Variants in ZNF362 observed in about 807,000 individuals in gnomAD.
ZNF362 encodes the protein rotund homolog.
In ZNF362, 11 loss-of-function variants were observed where a neutral mutation model predicts 42.9. That is an observed-to-expected ratio of 0.26 (90% CI 0.16 to 0.42). ZNF362 has a LOEUF of 0.42. ZNF362 is among the 20% of genes least tolerant of loss of function. ZNF362 has a pLI of 1.00. For missense variants in ZNF362, 362 were observed against 576.2 expected (o/e 0.63, Z 3.81); for synonymous variants, 255 against 257.3 (o/e 0.99, Z 0.09).
chr1:33,195,487 GATAC>G, the ZNF362 span: 2 of 152,202 alleles, frequency 1.3e-5, no homozygotes, highest in African/African-American at 4.8e-5. Flanking sequence ...CATCATAGAG[GATAC>G]TTACACAAAC....
intron 2 of ZNF362, among the ~76,000 whole-genome samples, chr1:33,274,279 A>G (rs1323748054): frequency 6.6e-6 from 1 of 152,230 alleles, no homozygotes; most frequent in East Asian, 1.9e-4. Flanking sequence ...TGTGACCTTG[A>G]ACAAGTCACT....
chr1:33,273,689 A>G (rs1188520877), intron 2 of ZNF362, among the ~76,000 whole-genome samples: 1 of 152,144 alleles, frequency 6.6e-6, no homozygotes. Flanking sequence ...TTTCTCATGC[A>G]TGTGGCCTGA....
the ZNF362 span, among the ~76,000 whole-genome samples, chr1:33,229,056 T>A: frequency 6.6e-6 from 1 of 152,118 alleles, no homozygotes; most frequent in East Asian, 1.9e-4. Flanking sequence ...GTAGGGCTTG[T>A]TCTCACATTT....
the ZNF362 span, among the ~76,000 whole-genome samples, chr1:33,162,278 A>G: frequency 6.6e-6 from 1 of 152,212 alleles, no homozygotes; most frequent in East Asian, 1.9e-4. Flanking sequence ...GCGCCACTGC[A>G]TTGCAACTCC....
the ZNF362 span, chr1:33,159,600 A>G: frequency 3.4e-6 from 5 of 1,481,778 alleles, no homozygotes; most frequent in African/African-American, 7.0e-5. The surrounding 1 kb of genome is among the most constrained non-coding windows in gnomAD (Gnocchi z 4.2). Context: ...TTCTCTGCTA[A>G]GGATCCCATC....
chr1:33,233,955 AT>A, the ZNF362 span, among the ~76,000 whole-genome samples: 173 of 152,334 alleles, frequency 1.1e-3, no homozygotes, highest in Non-Finnish European at 2.1e-3. Flanking sequence ...TGTTGCAGGA[AT>A]TAAATGAGTT....
At chr1:33,159,495 C>G in the ZNF362 span, among the ~76,000 whole-genome samples, 195 of 152,310 alleles carry the variant, frequency 1.3e-3, no homozygotes, top group Non-Finnish European at 2.4e-3. The surrounding 1 kb of genome is among the most constrained non-coding windows in gnomAD (Gnocchi z 4.2). Flanking sequence ...TGCTGCTCCT[C>G]TAGTTCAAGC....
chr1:33,147,821 C>A, the ZNF362 span: 1 of 1,412,552 alleles, frequency 7.1e-7, no homozygotes, highest in East Asian at 2.3e-5. The surrounding 1 kb of genome is among the most constrained non-coding windows in gnomAD (Gnocchi z 8.1). Flanking sequence ...CTGGTTGGTA[C>A]GCAGGAGGCC....
intron 1 of ZNF362, among the ~76,000 whole-genome samples, chr1:33,269,371 C>T (rs943787311): frequency 2.0e-5 from 3 of 152,242 alleles, no homozygotes; most frequent in African/African-American, 7.2e-5. Context: ...CTGCCTCCTG[C>T]CTTGCTCCCA....
chr1:33,144,867 G>T, the ZNF362 span, among the ~76,000 whole-genome samples: 1 of 152,078 alleles, frequency 6.6e-6, no homozygotes, highest in Non-Finnish European at 1.5e-5. Context: ...AACCCATACA[G>T]CTCCAGGCAC....
the ZNF362 span, among the ~76,000 whole-genome samples, chr1:33,131,573 A>G: frequency 6.6e-6 from 1 of 152,224 alleles, no homozygotes; most frequent in African/African-American, 2.4e-5. Flanking sequence ...TTAAATATTG[A>G]ATATTGATTT....
chr1:33,288,135 G>C (rs185981853), intron 6 of ZNF362, among the ~76,000 whole-genome samples: 27 of 152,270 alleles, frequency 1.8e-4, no homozygotes, highest in African/African-American at 6.0e-4. Flanking sequence ...AATTCTTATA[G>C]TCTATTATCC....
chr1:33,276,151 C>T lies in ZNF362; in HGVS notation c.90C>T (p.Thr30=). ...NNPYFWPPPP[T]MPSQLDNLVL... ...CCTACTTCTGGCCCCCTCCTCCCAC[C>T]ATGCCCAGCCAGGTAAGACTGACGT... is the stretch of plus-strand genomic sequence containing the variant. Residue 30 remains threonine (T), a synonymous_variant, in exon 3 of 9, where the codon ACC becomes ACT. Coordinates refer to ENST00000539719, the MANE Select transcript of ZNF362 (RefSeq NM_152493.3). 1 of 1,613,824 alleles carries T rather than the reference C, an allele frequency of 6.2e-7. No homozygotes were observed. Among genetic ancestry groups the T allele is most frequent in the Admixed American group, 1.7e-5 (1 of 60,016 alleles).
chr1:33,236,932 G>A, the ZNF362 span, among the ~76,000 whole-genome samples: 20 of 151,876 alleles, frequency 1.3e-4, 1 homozygote, highest in East Asian at 3.3e-3. Context: ...TTAGCTGGGC[G>A]TGGTGGTACA....
the ZNF362 span, among the ~76,000 whole-genome samples, chr1:33,217,889 T>C: frequency 6.6e-6 from 1 of 152,222 alleles, no homozygotes; most frequent in South Asian, 2.1e-4. Context: ...TGGATATCTA[T>C]GTAAAAAATA....
At chr1:33,262,245 G>T (rs1380091217) in intron 1 of ZNF362, among the ~76,000 whole-genome samples, 2 of 151,716 alleles carry the variant, frequency 1.3e-5, no homozygotes, top group African/African-American at 2.4e-5. Context: ...TCTTGGTGGG[G>T]TCTCCACCAT....
At chr1:33,296,049 A>G (rs1225253244) in intron 8 of ZNF362, among the ~76,000 whole-genome samples, 1 of 152,170 alleles carries the variant, frequency 6.6e-6, no homozygotes, top group African/African-American at 2.4e-5. Flanking sequence ...AGCCAGACAG[A>G]TCTATTTTTT....
At chr1:33,293,211 T>G (rs1646092338) in intron 6 of ZNF362, among the ~76,000 whole-genome samples, 1 of 152,198 alleles carries the variant, frequency 6.6e-6, no homozygotes. Flanking sequence ...AGCTGACATT[T>G]ACTGGGCAAA....
At chr1:33,273,410 T>C (rs1255668165) in intron 2 of ZNF362, among the ~76,000 whole-genome samples, 2 of 152,238 alleles carry the variant, frequency 1.3e-5, no homozygotes, top group African/African-American at 4.8e-5. Context: ...CAGGATGTTC[T>C]ATCCCAGCTG....
Sources: allele counts gnomAD v4.1 joint callset (sites outside exome capture counted in the v4.1 genomes callset), GRCh38; gene constraint gnomAD v4.1.1; non-coding constraint Gnocchi (gnomAD v3.1); transcripts MANE v1.5; gene names NCBI Gene and HGNC (gene_info 2026-07-23, HGNC 2026-07-21).